The following HSP90AA1 variants were observed in gnomAD, a reference collection of about 807,000 sequenced individuals.
The protein encoded by HSP90AA1 is heat shock protein HSP 90-alpha.
Under a neutral mutation model 73.3 loss-of-function variants are expected in HSP90AA1, and 18 were observed. The observed-to-expected ratio is 0.25, with a 90% CI of 0.17 to 0.36. HSP90AA1 has a LOEUF of 0.36. Ranked by LOEUF, HSP90AA1 falls within the 10% of genes least tolerant of loss-of-function variation. The pLI is 1.00. For missense variants in HSP90AA1, 704 were observed against 874.2 expected, an observed-to-expected ratio of 0.81 and a Z score of 2.45; for synonymous variants, 477 against 296.9, an observed-to-expected ratio of 1.61 and a Z score of -6.24.
chr14:102,086,698 G>A (rs1029772063), intron 1 of HSP90AA1, among the ~76,000 whole-genome samples: 8 of 150,584 alleles, frequency 5.3e-5, no homozygotes, highest in Non-Finnish European at 1.2e-4. Flanking sequence ...CCCCCAGCGG[G>A]GCCGGGCGGG....
chr14:102,103,698 G>T (rs1162943326), intron 1 of HSP90AA1, among the ~76,000 whole-genome samples: 1 of 151,874 alleles, frequency 6.6e-6, no homozygotes, highest in Non-Finnish European at 1.5e-5. Flanking sequence ...CAGATACTTG[G>T]GAGGCAGAGG....
chr14:102,114,219 C>A (rs886088714), intron 1 of HSP90AA1, among the ~76,000 whole-genome samples: 1 of 151,778 alleles, frequency 6.6e-6, no homozygotes, highest in Non-Finnish European at 1.5e-5. Context: ...GAACTCCTGA[C>A]CTCAAGTGAT....
rs1468112697 is a variant in HSP90AA1 at position 102,081,766 on chromosome 14, T to C, written c.2145A>G (p.Glu715=). ...ADDTSAAVTE[E]MPPLEGDDDT... Reference sequence around the variant, plus strand: ...CGTCATCTCCTTCAAGGGGTGGCATTTCTTCAGTTACAGCAGCACTGGTAT... The same window carrying C: ...CGTCATCTCCTTCAAGGGGTGGCATCTCTTCAGTTACAGCAGCACTGGTAT... The change falls in exon 11 of 11, where the codon GAA becomes GAG. Residue 715 remains glutamate (E), a synonymous_variant. Transcript: ENST00000216281. 2 of 1,599,552 alleles carry C rather than the reference T, an allele frequency of 1.3e-6. No homozygotes were observed. Among genetic ancestry groups the C allele is most frequent in the Non-Finnish European group, 1.7e-6 (2 of 1,166,822 alleles).
chr14:102,084,553 A>T lies in HSP90AA1; in HGVS notation c.993T>A (p.Val331=), dbSNP rs1357375514. ...GGGCTCTGAATTCCAACTGTCCTTC[A>T]ACTGAAAAATGCTGTAATAAAACAG... The part of the protein sequence containing the change: ...EDHLAVKHFS[V]EGQLEFRALL... Residue 331 remains valine, a synonymous_variant, in exon 6 of 11, where the codon GTT becomes GTA. Transcript: ENST00000216281. 6.2e-7 allele frequency: 1 copy of T among 1,614,100 alleles called. No individual in the cohort carries two copies. The highest frequency in any genetic ancestry group is 8.5e-7 in the Non-Finnish European group (1 of 1,180,028).
At chr14:102,082,833 G>T in intron 9 of HSP90AA1, 1 of 617,840 alleles carries the variant, frequency 1.6e-6, no homozygotes, top group Non-Finnish European at 2.9e-6. Flanking sequence ...TGTTAGCCAG[G>T]ATGGTCTCGA....
intron 1 of HSP90AA1, among the ~76,000 whole-genome samples, chr14:102,132,830 C>T (rs1406363509): frequency 2.0e-5 from 3 of 151,766 alleles, no homozygotes; most frequent in Admixed American, 6.6e-5. Flanking sequence ...CGTGGTGGTG[C>T]GCACCTGTAA....
intron 1 of HSP90AA1, among the ~76,000 whole-genome samples, chr14:102,122,794 A>C (rs944468376): frequency 6.6e-6 from 1 of 151,416 alleles, no homozygotes; most frequent in East Asian, 2.0e-4. Flanking sequence ...CAGCCTCCCG[A>C]GTAGCTGGGA....
intron 1 of HSP90AA1, 93 bp from the exon 2 acceptor site, chr14:102,086,471 A>G: frequency 7.0e-7 from 1 of 1,424,656 alleles, no homozygotes; most frequent in Non-Finnish European, 9.9e-7. Context: ...TTTAAAGCCG[A>G]ATTGGAGATT....
At chr14:102,084,597 A>T in intron 5 of HSP90AA1, 33 bp from the exon 6 acceptor site, 1 of 1,614,198 alleles carries the variant, frequency 6.2e-7, no homozygotes, top group South Asian at 1.1e-5. Flanking sequence ...AGTACCAATG[A>T]ACAATGCATT....
intron 1 of HSP90AA1, among the ~76,000 whole-genome samples, chr14:102,109,694 C>T (rs894193068): frequency 1.3e-5 from 2 of 152,244 alleles, no homozygotes; most frequent in Middle Eastern, 3.4e-3. Context: ...GAGTGGGGCA[C>T]TGCTGAAAAG....
rs972715772 is a variant in HSP90AA1 at position 102,083,129 on chromosome 14, C to T, written c.1660G>A (p.Asp554Asn). 2 of 1,613,938 alleles carry T rather than the reference C, an allele frequency of 1.2e-6. No homozygotes were observed. The highest frequency in any genetic ancestry group is 1.7e-6 in the Non-Finnish European group (2 of 1,179,898). ...VTKEGLELPE[D>N]EEEKKKQEEK... is the part of the protein sequence containing the mutation. ...TCCTGCTTCTTTTTCTCTTCTTCAT[C>T]CTCTGGAAGTTCCAGGCCTTCTTTG... Residue 554 changes from aspartate (D) to asparagine (N), a missense_variant, in exon 9 of 11, where the codon GAT becomes AAT. By Grantham distance (23) the Asp-to-Asn change is conservative. Transcript: ENST00000216281.
intron 1 of HSP90AA1, among the ~76,000 whole-genome samples, chr14:102,114,691 G>A (rs537381159): frequency 3.3e-5 from 5 of 152,072 alleles, no homozygotes; most frequent in Non-Finnish European, 7.4e-5. Flanking sequence ...ATTTGGCCTA[G>A]TATTCCCTGT....
intron 1 of HSP90AA1, among the ~76,000 whole-genome samples, chr14:102,123,827 T>C (rs986300688): frequency 1.3e-5 from 2 of 151,844 alleles, no homozygotes; most frequent in African/African-American, 4.8e-5. Context: ...TGAGACAGGG[T>C]CTCATTCTGC....
chr14:102,123,784 G>A (rs116241678), intron 1 of HSP90AA1, among the ~76,000 whole-genome samples: 515 of 152,240 alleles, frequency 3.4e-3, no homozygotes, highest in African/African-American at 0.011. Context: ...ACTTCCCTGT[G>A]AGATGTATAC....
At chr14:102,092,329 G>A (rs540253061) in intron 2 of HSP90AA1, among the ~76,000 whole-genome samples, 31 of 151,450 alleles carry the variant, frequency 2.0e-4, no homozygotes, top group Middle Eastern at 3.4e-3. Flanking sequence ...CCTCGGTGTC[G>A]CAAAATCCTG....
At chr14:102,139,673 C>T in exon 1 of HSP90AA1, 2 of 656,410 alleles carry the variant, frequency 3.0e-6, no homozygotes, top group Non-Finnish European at 2.6e-6. Flanking sequence ...CCATGCCGCC[C>T]GGAGGCCACA....
chr14:102,081,589 A>G lies in HSP90AA1; in HGVS notation c.*123T>C, dbSNP rs1340631966. The G allele has an allele frequency of 2.9e-6, 2 of 699,210 alleles. No homozygotes were observed. 43.3% of individuals were successfully genotyped at this position (699,210 alleles called of 1,614,324 possible). On this transcript the variant is annotated 3_prime_UTR_variant, in exon 11 of 11. Transcript: ENST00000216281. ...TAGACAGAAATCTTATCTTCCCCTTAAAGTAGTTGTCATGCCATACAGACT... is the reference window on the plus strand; with the variant it reads ...TAGACAGAAATCTTATCTTCCCCTTGAAGTAGTTGTCATGCCATACAGACT...
chr14:102,100,489 G>A (rs184669591), intron 2 of HSP90AA1, among the ~76,000 whole-genome samples: 1 of 145,566 alleles, frequency 6.9e-6, no homozygotes, highest in East Asian at 2.1e-4. Flanking sequence ...GCAATGGCAC[G>A]ATCTCAGCTC....
At chr14:102,136,456 C>T (rs966824902) in intron 1 of HSP90AA1, among the ~76,000 whole-genome samples, 2 of 151,190 alleles carry the variant, frequency 1.3e-5, no homozygotes, top group Admixed American at 6.6e-5. Context: ...GTAGTCCCAG[C>T]TACTCGGGAG....
Sources: allele counts gnomAD v4.1 joint callset (sites outside exome capture counted in the v4.1 genomes callset), GRCh38; gene constraint gnomAD v4.1.1; transcripts MANE v1.5; gene names NCBI Gene and HGNC (gene_info 2026-07-23, HGNC 2026-07-21).